Variants in MAD1L1 observed in about 807,000 individuals in gnomAD.
MAD1L1 encodes mitotic arrest deficient 1 like 1, also known as mitotic spindle assembly checkpoint protein MAD1.
A neutral mutation model predicts 96.9 loss-of-function variants in MAD1L1; 95 were observed. The ratio of observed to expected loss-of-function variants is 0.98; its 90% confidence interval spans 0.83 to 1.16. MAD1L1 has a LOEUF of 1.16. MAD1L1 is among the 50% of genes most tolerant of loss of function. MAD1L1 has a pLI of 0.00. For missense variants in MAD1L1, 1,007 were observed against 954.4 expected, an observed-to-expected ratio of 1.06 and a Z score of -0.73; for synonymous variants, 473 against 396.6, an observed-to-expected ratio of 1.19 and a Z score of -2.29.
chr7:2,118,835 G>A (rs936778712), intron 11 of MAD1L1, among the ~76,000 whole-genome samples: 12 of 152,186 alleles, frequency 7.9e-5, no homozygotes, highest in South Asian at 4.1e-4. Context: ...CGTGAGGCAC[G>A]CGCAGACACG....
intron 16 of MAD1L1, among the ~76,000 whole-genome samples, chr7:1,941,173 G>A (rs573338168): frequency 9.9e-5 from 15 of 152,160 alleles, no homozygotes; most frequent in East Asian, 3.9e-4. Flanking sequence ...GCGGTGGTGC[G>A]CCCAGCGCTG....
At chr7:1,947,384 A>T (rs1779279368) in intron 16 of MAD1L1, among the ~76,000 whole-genome samples, 1 of 152,260 alleles carries the variant, frequency 6.6e-6, no homozygotes. Flanking sequence ...AATGGAAAAC[A>T]CAGTTAAATA....
chr7:2,090,682 C>T lies in MAD1L1; in HGVS notation c.1074-21344G>A, dbSNP rs542594929. Among the ~76,000 whole-genome samples the T allele has an allele frequency of 1.1e-3, 161 of 152,314 alleles. 1 individual carries two copies. The highest frequency in any genetic ancestry group is 1.8e-3 in the Non-Finnish European group (123 of 68,028). ...GCAGGACTGGCCCAGGCAGGCCCCC[C>T]GCAGGGTCAGGTGTGTGTTGAGGCT... On this transcript the variant is annotated intron_variant, in intron 11 of 18. Transcript: ENST00000265854.
At chr7:2,150,577 C>T (rs1001510421) in intron 10 of MAD1L1, among the ~76,000 whole-genome samples, 15 of 152,234 alleles carry the variant, frequency 9.9e-5, no homozygotes, top group Non-Finnish European at 1.6e-4. Flanking sequence ...CCACGCCCCT[C>T]GCCATCCCAT....
intron 10 of MAD1L1, among the ~76,000 whole-genome samples, chr7:2,149,920 AG>A (rs1251091756): frequency 6.6e-6 from 1 of 152,206 alleles, no homozygotes; most frequent in African/African-American, 2.4e-5. Context: ...GTGGTGTGTG[AG>A]CATTCCCAGC....
chr7:2,068,620 G>A (rs987846620), intron 12 of MAD1L1, among the ~76,000 whole-genome samples: 4 of 152,172 alleles, frequency 2.6e-5, no homozygotes, highest in Non-Finnish European at 5.9e-5. Flanking sequence ...TTCCCGCCTT[G>A]TCTTCTGAAA....
Position 2,069,188 on chromosome 7 carries a change from C to T in MAD1L1, c.1218+6G>A. 2.5e-6 allele frequency: 4 copies of T among 1,583,938 alleles called. No homozygotes were observed. In the South Asian group the frequency reaches 3.5e-5, roughly 14 times the overall value. ...ACTCTGATCAAGATGTAAGGGCATA[C>T]ATCACCTTGGTGAGCAGCAGGACCC... On this transcript the variant is annotated splice_donor_region_variant and intron_variant, in intron 12 of 18. Transcript: ENST00000265854.
At chr7:1,869,471 C>A (rs1784939981) in intron 18 of MAD1L1, among the ~76,000 whole-genome samples, 1 of 152,154 alleles carries the variant, frequency 6.6e-6, no homozygotes, top group Non-Finnish European at 1.5e-5. Flanking sequence ...AAGAGCTCAG[C>A]CCACGTGCAG....
chr7:1,881,980 T>C (rs1357067125), intron 18 of MAD1L1, among the ~76,000 whole-genome samples: 2 of 152,162 alleles, frequency 1.3e-5, no homozygotes, highest in Non-Finnish European at 2.9e-5. Context: ...GCCCGTGTCC[T>C]TGGGCCCCAC....
chr7:2,231,320 A>C (rs1345779469), intron 1 of MAD1L1, among the ~76,000 whole-genome samples: 1 of 151,844 alleles, frequency 6.6e-6, no homozygotes, highest in Non-Finnish European at 1.5e-5. Flanking sequence ...TGAATGAATA[A>C]ATAAATAAAT....
chr7:2,146,127 A>G lies in MAD1L1; in HGVS notation c.1073+3025T>C, dbSNP rs1789286928. The stretch of plus-strand genomic sequence containing the variant: ...ATCTTCTAAAAGCCAAGCTCCTGAA[A>G]ACAGGCACACGAATGACCCAGCCGT... On this transcript the variant is annotated intron_variant, in intron 11 of 18. Coordinates refer to ENST00000265854, the MANE Select transcript of MAD1L1 (RefSeq NM_001013836.2). This position sits in a 1 kb window ranked among gnomAD's most constrained non-coding sequence, Gnocchi z 6.2. Among the ~76,000 whole-genome samples, 1 of 152,214 alleles carries G rather than the reference A, an allele frequency of 6.6e-6. No homozygotes were observed. Among genetic ancestry groups the G allele is most frequent in the Non-Finnish European group, 1.5e-5 (1 of 68,036 alleles).
chr7:2,220,311 C>T (rs186381606), intron 5 of MAD1L1, among the ~76,000 whole-genome samples: 12 of 152,340 alleles, frequency 7.9e-5, no homozygotes, highest in East Asian at 7.7e-4. Flanking sequence ...TGCCTGACAT[C>T]ATGGAACCCG....
chr7:2,054,743 C>T (rs932189329), intron 12 of MAD1L1, among the ~76,000 whole-genome samples: 6 of 152,226 alleles, frequency 3.9e-5, no homozygotes, highest in African/African-American at 1.4e-4. Context: ...TGGCCAGCGT[C>T]TCAGGGCCCC....
At chr7:2,203,454 T>A (rs1449221619) in intron 10 of MAD1L1, among the ~76,000 whole-genome samples, 1 of 152,180 alleles carries the variant, frequency 6.6e-6, no homozygotes, top group Non-Finnish European at 1.5e-5. Context: ...GGGAGGGCGG[T>A]GTGGCACCAG....
At chr7:1,990,685 C>A (rs1781369079) in intron 14 of MAD1L1, among the ~76,000 whole-genome samples, 2 of 152,382 alleles carry the variant, frequency 1.3e-5, no homozygotes, top group African/African-American at 2.4e-5. Flanking sequence ...ACCACCAGGG[C>A]TGCAGCGTGC....
At chr7:1,825,488 G>A (rs1782341984) in intron 18 of MAD1L1, among the ~76,000 whole-genome samples, 1 of 152,272 alleles carries the variant, frequency 6.6e-6, no homozygotes, top group Non-Finnish European at 1.5e-5. Flanking sequence ...AGAGTCCGCT[G>A]AGGCTACCTG....
chr7:1,837,927 G>A (rs1783022467), intron 18 of MAD1L1, among the ~76,000 whole-genome samples: 1 of 152,248 alleles, frequency 6.6e-6, no homozygotes, highest in Non-Finnish European at 1.5e-5. Context: ...CCTGGCAGGA[G>A]GAGGTGGTGG....
chr7:2,034,416 C>T (rs1329141574), intron 12 of MAD1L1, among the ~76,000 whole-genome samples: 3 of 152,048 alleles, frequency 2.0e-5, no homozygotes, highest in Admixed American at 6.5e-5. Context: ...GGGGTTTCAC[C>T]GTGTTGCCCA....
chr7:2,043,847 C>A (rs1783802090), intron 12 of MAD1L1, among the ~76,000 whole-genome samples: 1 of 152,244 alleles, frequency 6.6e-6, no homozygotes, highest in Admixed American at 6.5e-5. Context: ...GGGCCCAGGG[C>A]TACTGAACAG....
Sources: gnomAD v4.1 joint callset for allele counts (sites outside exome capture counted in the v4.1 genomes callset) on GRCh38, gnomAD v4.1.1 for gene constraint, Gnocchi (gnomAD v3.1) non-coding constraint, MANE v1.5 for transcripts, NCBI Gene and HGNC (gene_info 2026-07-23, HGNC 2026-07-21) for gene names.